Variants in TSHZ2 observed in about 807,000 individuals in gnomAD.
The protein encoded by TSHZ2 is teashirt zinc finger homeobox 2, also known as teashirt homolog 2.
A neutral mutation model predicts 74.4 loss-of-function variants in TSHZ2; 21 were observed. That is an observed-to-expected ratio of 0.28 (90% confidence interval 0.20 to 0.41). The LOEUF (loss-of-function observed/expected upper bound fraction) is 0.41. Ranked by LOEUF, TSHZ2 falls within the 10% of genes least tolerant of loss-of-function variation. TSHZ2 has a pLI of 1.00. For synonymous variants in TSHZ2, 540 were observed against 515.3 expected, an observed-to-expected ratio of 1.05 and a Z score of -0.65; for missense variants, 1,244 against 1,293.5, an observed-to-expected ratio of 0.96 and a Z score of 0.59.
rs547867498 is a variant in TSHZ2 at position 53,489,062 on chromosome 20, G to A, written c.*1927G>A. On this transcript the variant is annotated 3_prime_UTR_variant, in exon 3 of 3. Coordinates refer to ENST00000371497, the MANE Select transcript of TSHZ2 (RefSeq NM_173485.6). ...ACATCATCGGATTGAGATGGCAGTCGAAATAGCTTCATTGAAGTGTCAGCA... is the reference window on the plus strand; with the variant it reads ...ACATCATCGGATTGAGATGGCAGTCAAAATAGCTTCATTGAAGTGTCAGCA... 12 of 456,178 alleles carry A rather than the reference G, an allele frequency of 2.6e-5. No homozygotes were observed. The highest frequency in any genetic ancestry group is 2.1e-4 in the East Asian group (3 of 14,392). 28.3% of individuals were successfully genotyped at this position (456,178 alleles called of 1,614,324 possible).
At chr20:53,060,439 T>G (rs1439385093) in intron 1 of TSHZ2, among the ~76,000 whole-genome samples, 1 of 152,228 alleles carries the variant, frequency 6.6e-6, no homozygotes, top group East Asian at 1.9e-4. Flanking sequence ...TATCCAAAGT[T>G]ATTTCCTTAA....
intron 1 of TSHZ2, among the ~76,000 whole-genome samples, chr20:53,035,995 T>C (rs572372584): frequency 3.9e-4 from 59 of 152,344 alleles, no homozygotes; most frequent in Non-Finnish European, 6.3e-4. Context: ...AAAATATGTT[T>C]ATTGATCTTT....
intron 2 of TSHZ2, among the ~76,000 whole-genome samples, chr20:53,364,702 C>G (rs992919950): frequency 6.6e-6 from 1 of 152,216 alleles, no homozygotes; most frequent in African/African-American, 2.4e-5. Context: ...GATAGAAAAG[C>G]CATGTTGGCT....
At chr20:53,198,378 G>A (rs947613075) in intron 1 of TSHZ2, 12 of 152,192 alleles carry the variant, frequency 7.9e-5, no homozygotes, top group African/African-American at 2.4e-4. Context: ...CTCTTTTAGT[G>A]TTTTATACAC....
chr20:53,093,740 G>A (rs1184801507), intron 1 of TSHZ2, among the ~76,000 whole-genome samples: 1 of 152,172 alleles, frequency 6.6e-6, no homozygotes, highest in African/African-American at 2.4e-5. Context: ...CTTATTCACA[G>A]TTGAAATCAC....
At chr20:53,375,805 A>G (rs1981638338) in intron 2 of TSHZ2, among the ~76,000 whole-genome samples, 1 of 152,216 alleles carries the variant, frequency 6.6e-6, no homozygotes, top group African/African-American at 2.4e-5. Flanking sequence ...GACCTCGGTC[A>G]AGTTAAGTTA....
At chr20:53,049,340 G>C (rs551071956) in intron 1 of TSHZ2, among the ~76,000 whole-genome samples, 1 of 151,754 alleles carries the variant, frequency 6.6e-6, no homozygotes, top group African/African-American at 2.4e-5. Flanking sequence ...TCCTATTCAC[G>C]GTGCTCTTCC....
At chr20:53,298,016 A>G (rs189429741) in intron 2 of TSHZ2, among the ~76,000 whole-genome samples, 2 of 152,224 alleles carry the variant, frequency 1.3e-5, no homozygotes, top group African/African-American at 4.8e-5. Context: ...TCCATAAAGG[A>G]GCTTCTTGGA....
At chr20:52,990,476 G>C (rs1300960570) in intron 1 of TSHZ2, among the ~76,000 whole-genome samples, 4 of 152,010 alleles carry the variant, frequency 2.6e-5, no homozygotes, top group African/African-American at 7.3e-5. Flanking sequence ...TGGGGAACAG[G>C]GAGAAGTAAA....
intron 2 of TSHZ2, among the ~76,000 whole-genome samples, chr20:53,327,358 G>A (rs745462330): frequency 1.3e-5 from 2 of 152,236 alleles, no homozygotes; most frequent in African/African-American, 2.4e-5. Flanking sequence ...GCGTGGTGGC[G>A]GGTGCCTGTA....
chr20:53,435,926 G>A lies in TSHZ2; in HGVS notation c.*9-51218G>A, dbSNP rs999473107. 6.6e-5 allele frequency among the ~76,000 whole-genome samples: 10 copies of A among 152,206 alleles called. No homozygotes were observed. In the South Asian group the frequency reaches 1.2e-3, roughly 19 times the overall value. On this transcript the variant is annotated intron_variant, in intron 2 of 2. Transcript: ENST00000371497. Reference sequence around the variant, plus strand: ...TATCACCCTGTGTCTCAGTTTCCTCGTGTCTAAGATGGGCATGATAATACC... The same window carrying A: ...TATCACCCTGTGTCTCAGTTTCCTCATGTCTAAGATGGGCATGATAATACC...
intron 2 of TSHZ2, among the ~76,000 whole-genome samples, chr20:53,463,753 G>T (rs923004161): frequency 1.3e-5 from 2 of 152,174 alleles, no homozygotes; most frequent in Non-Finnish European, 2.9e-5. Context: ...CTCCTACCTG[G>T]AGTGGGGCCA....
In TSHZ2 at chr20:53,454,069, G is replaced by A. The variant is rs141244903; in HGVS notation, c.*9-33075G>A. Among the ~76,000 whole-genome samples the A allele has an allele frequency of 3.4e-3, 517 of 152,230 alleles. 2 individuals carry two copies. Among genetic ancestry groups the A allele is most frequent in the African/African-American group, 0.011 (471 of 41,544 alleles). Reference sequence around the variant, plus strand: ...AATTCTGCTTACAATGTCATCTCTTGTCTTTGCCATAAACTTAAACAACTT... The same window carrying A: ...AATTCTGCTTACAATGTCATCTCTTATCTTTGCCATAAACTTAAACAACTT... On this transcript the variant is annotated intron_variant, in intron 2 of 2. Transcript: ENST00000371497.
intron 1 of TSHZ2, among the ~76,000 whole-genome samples, chr20:53,107,454 T>TGCCATAAGCAGCACCTCCTAACCTGAA (rs1986409549): frequency 6.6e-6 from 1 of 152,198 alleles, no homozygotes; most frequent in African/African-American, 2.4e-5. Context: ...CGCCTCTGTT[T>TGCCATAAGCAGCACCTCCTAACCTGAA]GCCATAAGCA....
intron 1 of TSHZ2, among the ~76,000 whole-genome samples, chr20:53,213,496 T>C (rs6022333): frequency 0.4 from 60,584 of 151,930 alleles, 14,288 homozygotes; most frequent in African/African-American, 0.66. Context: ...GTGTTTAAAG[T>C]TTAATTAATC....
intron 2 of TSHZ2, among the ~76,000 whole-genome samples, chr20:53,388,054 A>G (rs1372720975): frequency 6.6e-6 from 1 of 151,278 alleles, no homozygotes; most frequent in South Asian, 2.1e-4. Flanking sequence ...ATCTCTACAA[A>G]AAAAAAAAAA....
At chr20:53,031,569 G>T (rs771174376) in intron 1 of TSHZ2, among the ~76,000 whole-genome samples, 53 of 152,204 alleles carry the variant, frequency 3.5e-4, no homozygotes, top group Non-Finnish European at 6.9e-4. Context: ...GACAGGGTCA[G>T]TAGCACAGAG....
chr20:53,372,410 G>A (rs913467571), intron 2 of TSHZ2, among the ~76,000 whole-genome samples: 4 of 152,142 alleles, frequency 2.6e-5, no homozygotes, highest in African/African-American at 4.8e-5. Context: ...CCAAGAAGCA[G>A]AGGTTGCAGT....
At chr20:53,050,124 T>TATATGTGTATATATATAC (rs1409158633) in intron 1 of TSHZ2, among the ~76,000 whole-genome samples, 1 of 107,236 alleles carries the variant, frequency 9.3e-6, no homozygotes, top group East Asian at 2.4e-4. Context: ...TATATATATA[T>TATATGTGTATATATATAC]ACACATATAT....
Sources: allele counts gnomAD v4.1 joint callset (sites outside exome capture counted in the v4.1 genomes callset), GRCh38; gene constraint gnomAD v4.1.1; transcripts MANE v1.5; gene names NCBI Gene and HGNC (gene_info 2026-07-23, HGNC 2026-07-21).